Variants in PKD1 observed in about 807,000 individuals in gnomAD.
PKD1 encodes polycystin-1.
PKD1 carries 81 observed loss-of-function variants against 361.7 expected under a neutral mutation model. That is an observed-to-expected ratio of 0.22 (90% CI 0.19 to 0.27). The LOEUF (loss-of-function observed/expected upper bound fraction) is 0.27. PKD1 is among the 10% of genes least tolerant of loss of function. The pLI, the probability that PKD1 is intolerant of heterozygous loss-of-function variation, is 1.00. For missense variants in PKD1, 6,399 were observed against 6,118.3 expected (o/e 1.05, Z -1.53); for synonymous variants, 3,615 against 2,818.3 (o/e 1.28, Z -8.95).
At chr16:2,127,548 ACT>A (rs2092814588) in intron 1 of PKD1, among the ~76,000 whole-genome samples, 1 of 151,828 alleles carries the variant, frequency 6.6e-6, no homozygotes, top group Non-Finnish European at 1.5e-5. Flanking sequence ...AGGCTGTTAC[ACT>A]CTGCTCTGTG....
At chr16:2,094,275 G>C (rs1406838716) in intron 34 of PKD1, 65 bp from the exon 35 acceptor site, 1 of 1,028,224 alleles carries the variant, frequency 9.7e-7, no homozygotes, top group African/African-American at 1.6e-5. Flanking sequence ...CCAAGCCCAT[G>C]TTAACCTGGG....
At position 2,105,306 on chromosome 16, in the gene PKD1, G is replaced by T. The variant is rs758974039; in HGVS notation, c.8016+16C>A. On this transcript the variant is annotated intron_variant, in intron 21 of 45. Transcript: ENST00000262304. The stretch of plus-strand genomic sequence containing the variant: ...GCAGGCATGCGGGGCAGGGTGAGCA[G>T]GTGGGGCCATCCTACCATGCACTGG... 1.9e-5 allele frequency: 30 copies of T among 1,593,934 alleles called. No homozygotes were observed. The highest frequency in any genetic ancestry group is 1.3e-4 in the African/African-American group (10 of 74,614).
Position 2,091,172 on chromosome 16 carries a change from C to T in PKD1, c.11715G>A (p.Val3905=), listed in dbSNP as rs1290899249. The T allele has an allele frequency of 1.7e-5, 25 of 1,447,996 alleles. No homozygotes were observed. The highest frequency in any genetic ancestry group is 6.8e-5 in the South Asian group (5 of 74,072). The allele number at this position is 1,447,996 out of a possible 1,614,324, so 89.7% of individuals were successfully genotyped here. A position where few individuals can be genotyped will look rare whatever the true frequency, so the allele number is the denominator to read the frequency against. ...AGTGCACGGCGAACAGCAGCAGGCA[C>T]ACCTGTGGGGGGCGCGGTCAGGAGG... is the stretch of plus-strand genomic sequence containing the variant. The part of the protein sequence containing the change: ...AGLSLPLLTS[V]CLLLFAVHFA... The change falls in exon 43 of 46, where the codon GTG becomes GTA. Residue 3905 remains valine, a splice_region_variant and synonymous_variant. Transcript: ENST00000262304.
At position 2,118,493 on chromosome 16, in the gene PKD1, C is replaced by G; in HGVS notation, c.530-31G>C. 1 of 1,342,522 alleles carries G rather than the reference C, an allele frequency of 7.4e-7. No homozygotes were observed. The highest frequency in any genetic ancestry group is 1.0e-6 in the Non-Finnish European group (1 of 970,758). 83.2% of individuals were successfully genotyped at this position (1,342,522 alleles called of 1,614,324 possible). On this transcript the variant is annotated intron_variant, in intron 4 of 45. Transcript: ENST00000262304. This position sits in a 1 kb window ranked among gnomAD's most constrained non-coding sequence, Gnocchi z 6.0. ...AGAGGCAGCCACTGGACCCCGGGTT[C>G]TGCTCCTCCTGGCTCCACCCCACGC...
At chr16:2,127,325 C>T (rs534461893) in intron 1 of PKD1, among the ~76,000 whole-genome samples, 37 of 152,288 alleles carry the variant, frequency 2.4e-4, no homozygotes, top group African/African-American at 8.7e-4. Context: ...CACACCAGAA[C>T]GCGTCAAAAG....
At chr16:2,091,232 GGGGGC>G in intron 42 of PKD1, 58 bp from the exon 43 acceptor site, 1 of 815,960 alleles carries the variant, frequency 1.2e-6, no homozygotes, top group African/African-American at 2.1e-5. Flanking sequence ...GGCCCTGCGA[GGGGGC>G]GGGACGCTGC....
Position 2,090,549 on chromosome 16 carries a change from C to G in PKD1, c.12180G>C (p.Gln4060His), listed in dbSNP as rs747465702. Residue 4060 changes from glutamine (Q) to histidine (H), a missense_variant, in exon 45 of 46, where the codon CAG becomes CAC. By Grantham distance (24) the Gln-to-His change is conservative. Coordinates refer to ENST00000262304, the MANE Select transcript of PKD1 (RefSeq NM_001009944.3). ...TCCCAGGGCACAGCACCAACAGGGC[C>G]TGGGCCACGCTCCAGAGGGAGTCCA... ...SCVDSLWSVA[Q>H]ALLVLCPGTG... 1.2e-5 allele frequency: 20 copies of G among 1,609,810 alleles called. No homozygotes were observed. Among genetic ancestry groups the G allele is most frequent in the Non-Finnish European group, 1.7e-5 (20 of 1,179,510 alleles).
At chr16:2,113,828 CT>C in intron 11 of PKD1, 1 of 435,826 alleles carries the variant, frequency 2.3e-6, no homozygotes. Flanking sequence ...GGGGTTCAGA[CT>C]CCACCTCAAA....
At chr16:2,120,740 C>G (rs573765835) in intron 1 of PKD1, among the ~76,000 whole-genome samples, 1 of 152,098 alleles carries the variant, frequency 6.6e-6, no homozygotes, top group South Asian at 2.1e-4. Context: ...GAAAGATGGC[C>G]GGGCACGGTG....
At chr16:2,093,439 C>T in intron 37 of PKD1, 105 bp downstream of exon 37, 1 of 1,086,646 alleles carries the variant, frequency 9.2e-7, no homozygotes, top group Non-Finnish European at 1.3e-6. Context: ...CCCCTAAGGG[C>T]CTTCTGAGGT....
At position 2,115,557 on chromosome 16, in the gene PKD1, A is replaced by G. The variant is rs2092618218; in HGVS notation, c.1918T>C (p.Cys640Arg). 5 of 1,588,816 alleles carry G rather than the reference A, an allele frequency of 3.1e-6. No homozygotes were observed. Among genetic ancestry groups the G allele is most frequent in the Non-Finnish European group, 4.3e-6 (5 of 1,165,208 alleles). ...PDNRTQLAPA[C>R]MPGGRWCPGA... The stretch of plus-strand genomic sequence containing the variant: ...GGGCACCAGCGTCCCCCTGGCATGC[A>G]CGCGGGGGCCAGCTGGGTCCTGTTG... Residue 640 changes from cysteine to arginine, a missense_variant, in exon 10 of 46, where the codon TGC (cysteine) becomes CGC (arginine). By Grantham distance (180) the Cys-to-Arg change is radical. Coordinates refer to ENST00000262304, the MANE Select transcript of PKD1 (RefSeq NM_001009944.3).
At chr16:2,104,363 T>A in intron 22 of PKD1, 135 bp downstream of exon 22, 1 of 437,680 alleles carries the variant, frequency 2.3e-6, no homozygotes, top group African/African-American at 4.4e-5. Context: ...GGGAGGGGGA[T>A]GAGGATGGGA....
chr16:2,091,231 AGGGGGCG>A (rs2091518500), intron 42 of PKD1, 57 bp from the exon 43 acceptor site: 6 of 591,152 alleles, frequency 1.0e-5, no homozygotes, highest in Non-Finnish European at 1.3e-5. Context: ...GGGCCCTGCG[AGGGGGCG>A]GGACGCTGCC....
intron 34 of PKD1, chr16:2,095,387 TG>T (rs1353998264): frequency 1.1e-4 from 16 of 152,206 alleles, no homozygotes; most frequent in African/African-American, 3.6e-4. Context: ...CACTCCAGTC[TG>T]GGCAACAGAG....
At position 2,118,487 on chromosome 16, in the gene PKD1, C is replaced by T. The variant is rs912343524; in HGVS notation, c.530-25G>A. 31 of 1,325,278 alleles carry T rather than the reference C, an allele frequency of 2.3e-5. No homozygotes were observed. The highest frequency in any genetic ancestry group is 2.5e-4 in the Middle Eastern group (1 of 3,960). 82.1% of individuals were successfully genotyped at this position (1,325,278 alleles called of 1,614,324 possible). On this transcript the variant is annotated intron_variant, in intron 4 of 45. Coordinates refer to ENST00000262304, the MANE Select transcript of PKD1 (RefSeq NM_001009944.3). This position sits in a 1 kb window ranked among gnomAD's most constrained non-coding sequence, Gnocchi z 6.0. ...CCTAGAAGAGGCAGCCACTGGACCC[C>T]GGGTTCTGCTCCTCCTGGCTCCACC...
At position 2,102,619 on chromosome 16, in the gene PKD1, G is replaced by T. The variant is rs765076655; in HGVS notation, c.8963C>A (p.Ala2988Glu). The change falls in exon 25 of 46, where the codon GCG becomes GAG. Residue 2988 changes from alanine to glutamate, a missense_variant. Transcript: ENST00000262304. ...GGAGAGGTTCAGATGGTAACTCCCC[G>T]CTGGGTCTCTGCTCCTGGGCAGGGA... ...FFISPGSRDP[A>E]GSYHLNLSSH... The T allele has an allele frequency of 1.2e-6, 2 of 1,610,874 alleles. No individual in the cohort carries two copies. Among genetic ancestry groups the T allele is most frequent in the African/African-American group, 2.7e-5 (2 of 74,894 alleles).
Position 2,109,141 on chromosome 16 carries a change from G to C in PKD1, c.6026C>G (p.Ser2009Trp), listed in dbSNP as rs145762096. ...GSRVAYAWYF[S>W]LQKVQGDSLV... ...CGAGTCGCCCTGGACCTTCTGCAGC[G>C]AGAAGTACCAGGCGTAGGCGACCCG... is the stretch of plus-strand genomic sequence containing the variant. Residue 2009 changes from serine to tryptophan, a missense_variant, in exon 15 of 46, where the codon TCG becomes TGG. Physicochemically the swap from Ser to Trp is radical, Grantham distance 177. Coordinates refer to ENST00000262304, the MANE Select transcript of PKD1 (RefSeq NM_001009944.3). 6.2e-7 allele frequency: 1 copy of C among 1,602,544 alleles called. No homozygotes were observed. The highest frequency in any genetic ancestry group is 1.1e-5 in the South Asian group (1 of 90,938).
rs1370029722 is a variant in PKD1, at chr16:2,107,672, G to C, written c.7065+211C>G. The C allele has an allele frequency of 5.7e-5, 36 of 633,036 alleles. No homozygotes were observed. In the East Asian group the frequency reaches 8.8e-4, roughly 16 times the overall value. 39.2% of individuals were successfully genotyped at this position (633,036 alleles called of 1,614,324 possible). A position where few individuals can be genotyped will look rare whatever the true frequency, so the allele number is the denominator to read the frequency against. On this transcript the variant is annotated intron_variant, in intron 16 of 45. Coordinates refer to ENST00000262304, the MANE Select transcript of PKD1 (RefSeq NM_001009944.3). The stretch of plus-strand genomic sequence containing the variant: ...GGGGACTGTGTAGCTTTTGCCACTA[G>C]AGCATATGTGGCTTGAAGACTGTAC...
intron 1 of PKD1, among the ~76,000 whole-genome samples, chr16:2,125,554 C>A (rs886248801): frequency 6.6e-6 from 1 of 152,190 alleles, no homozygotes; most frequent in Non-Finnish European, 1.5e-5. Context: ...GGGATGGAGA[C>A]TCCGGCCTCG....
Sources: allele counts gnomAD v4.1 joint callset (sites outside exome capture counted in the v4.1 genomes callset), GRCh38; gene constraint gnomAD v4.1.1; non-coding constraint Gnocchi (gnomAD v3.1); transcripts MANE v1.5; gene names NCBI Gene and HGNC (gene_info 2026-07-23, HGNC 2026-07-21).